KIAA1671: variants seen among roughly 807,000 people sequenced by gnomAD.
KIAA1671 encodes uncharacterized protein KIAA1671.
Under a neutral mutation model 131.2 loss-of-function variants are expected in KIAA1671, and 52 were observed. That is an observed-to-expected ratio of 0.40 (90% CI 0.32 to 0.50). KIAA1671 has a LOEUF of 0.50. KIAA1671 is among the 20% of genes least tolerant of loss of function. The pLI, the probability that KIAA1671 is intolerant of heterozygous loss-of-function variation, is 0.73. For missense variants in KIAA1671, 2,360 were observed against 2,364.2 expected (o/e 1.00, Z 0.04); for synonymous variants, 1,003 against 961.6 (o/e 1.04, Z -0.80).
At chr22:25,124,957 C>G (rs1023079799) in intron 6 of KIAA1671, among the ~76,000 whole-genome samples, 1 of 152,176 alleles carries the variant, frequency 6.6e-6, no homozygotes, top group Non-Finnish European at 1.5e-5. Flanking sequence ...GGGGGTCTCA[C>G]TATGTTACCC....
chr22:25,111,237 C>CA (rs1376937373), intron 6 of KIAA1671, among the ~76,000 whole-genome samples: 2 of 152,232 alleles, frequency 1.3e-5, no homozygotes, highest in Non-Finnish European at 2.9e-5. Context: ...CACACACACA[C>CA]AGAGTGCACA....
intron 5 of KIAA1671, 26 bp from the exon 6 acceptor site, chr22:25,049,204 T>C: frequency 6.5e-7 from 1 of 1,546,212 alleles, no homozygotes; most frequent in Non-Finnish European, 8.8e-7. Flanking sequence ...CCCAGTAAAG[T>C]CCTTTTCTTG....
At chr22:24,990,739 C>T (rs536570101) in intron 1 of KIAA1671, among the ~76,000 whole-genome samples, 29 of 152,172 alleles carry the variant, frequency 1.9e-4, no homozygotes, top group Admixed American at 6.5e-4. Context: ...CCCTACCTTG[C>T]GGGTGGGCAG....
At chr22:25,031,600 G>A (rs1285759992) in intron 3 of KIAA1671, among the ~76,000 whole-genome samples, 1 of 152,206 alleles carries the variant, frequency 6.6e-6, no homozygotes, top group African/African-American at 2.4e-5. Flanking sequence ...AAAGTGCTGG[G>A]ATTACAGGCA....
At chr22:24,981,149 G>C (rs1424554709) in intron 1 of KIAA1671, among the ~76,000 whole-genome samples, 1 of 151,994 alleles carries the variant, frequency 6.6e-6, no homozygotes. Flanking sequence ...TGGGGGATTT[G>C]TAGGCTCTGT....
In KIAA1671 at chr22:25,040,168, C is replaced by T. The variant is rs1048066241; in HGVS notation, c.3038C>T (p.Pro1013Leu). 5.8e-6 allele frequency: 9 copies of T among 1,551,590 alleles called. No individual in the cohort carries two copies. The African/African-American group carries it at 1.2e-4, about 21-fold the overall frequency. Residue 1013 changes from proline (P) to leucine (L), a missense_variant, in exon 5 of 13, where the codon CCA (proline) becomes CTA (leucine). By Grantham distance (98) the Pro-to-Leu change is moderately conservative. Coordinates refer to ENST00000358431, the MANE Select transcript of KIAA1671 (RefSeq NM_001145206.2). ...GGTGCTTCACGGGACCAGACTTCCC[C>T]AGCAGTGAAGCAAGGGTCACCTGTG... ...NPGASRDQTS[P>L]AVKQGSPVEP...
chr22:25,050,178 CT>C (rs1199375123), intron 6 of KIAA1671: 1 of 152,408 alleles, frequency 6.6e-6, no homozygotes, highest in Non-Finnish European at 1.5e-5. Context: ...CCTCTTCCCC[CT>C]CATCCTGTTT....
intron 3 of KIAA1671, among the ~76,000 whole-genome samples, chr22:25,031,230 G>A (rs1229645840): frequency 3.0e-5 from 4 of 134,144 alleles, no homozygotes; most frequent in Non-Finnish European, 4.6e-5. Flanking sequence ...ACGGAGTCTC[G>A]CTCTGCCGCT....
chr22:25,002,307 G>A (rs949643467), intron 1 of KIAA1671, among the ~76,000 whole-genome samples: 1 of 152,176 alleles, frequency 6.6e-6, no homozygotes, highest in Non-Finnish European at 1.5e-5. Flanking sequence ...CAGAGACAAG[G>A]ATGGGAACAT....
intron 6 of KIAA1671, chr22:25,050,260 G>T (rs1413968283): frequency 6.6e-6 from 1 of 152,276 alleles, no homozygotes; most frequent in African/African-American, 2.4e-5. Flanking sequence ...CAGAGCTTCA[G>T]TGTGCCCACA....
rs1477165375 is a variant in KIAA1671 at position 25,185,011 on chromosome 22, C to T, written c.5234C>T (p.Pro1745Leu). The T allele has an allele frequency of 2.6e-6, 4 of 1,551,508 alleles. No homozygotes were observed. In the Admixed American group the frequency reaches 7.8e-5, roughly 30 times the overall value. ...CACAAGAGGCCAGAGGTGGACAGTCCTGGCGAGACCCCCAGCTGGGCACCC... is the reference window on the plus strand; with the variant it reads ...CACAAGAGGCCAGAGGTGGACAGTCTTGGCGAGACCCCCAGCTGGGCACCC... ...QLHKRPEVDS[P>L]GETPSWAPQP... is the part of the protein sequence containing the mutation. Residue 1745 changes from proline (P) to leucine (L), a missense_variant, in exon 11 of 13, where the codon CCT (proline) becomes CTT (leucine). Pro to Leu is a moderately conservative substitution (Grantham distance 98, BLOSUM62 -3). Transcript: ENST00000358431.
Position 25,195,020 on chromosome 22 carries a change from C to G in KIAA1671, c.*2619C>G, listed in dbSNP as rs1242719781. The stretch of plus-strand genomic sequence containing the variant: ...CCTGGAGACCCCTTTGGAAATCTGT[C>G]TTCTTTTTAAACTCACTTAATATGC... On this transcript the variant is annotated 3_prime_UTR_variant, in exon 13 of 13. Transcript: ENST00000358431. The G allele has an allele frequency of 3.3e-5, 5 of 152,326 alleles. No homozygotes were observed. The highest frequency in any genetic ancestry group is 7.2e-5 in the African/African-American group (3 of 41,568). The allele number at this position is 152,326 out of a possible 1,614,324, so 9.4% of individuals were successfully genotyped here.
chr22:25,094,899 C>T (rs1467150153), intron 6 of KIAA1671, among the ~76,000 whole-genome samples: 1 of 152,136 alleles, frequency 6.6e-6, no homozygotes, highest in Non-Finnish European at 1.5e-5. Flanking sequence ...TCTCGCTGAG[C>T]ATCATTATTT....
At chr22:25,055,835 TAGATAC>T (rs1190646531) in intron 6 of KIAA1671, 1 of 149,044 alleles carries the variant, frequency 6.7e-6, no homozygotes, top group Non-Finnish European at 1.5e-5. Flanking sequence ...TAGATAGATA[TAGATAC>T]AGATACAGAT....
chr22:25,174,144 A>AC (rs1368776921), intron 7 of KIAA1671, 96 bp from the exon 8 acceptor site: 2 of 1,363,054 alleles, frequency 1.5e-6, no homozygotes, highest in Admixed American at 4.4e-5. Flanking sequence ...ATAAAACATA[A>AC]CCCAAGCTAT....
chr22:25,026,029 G>A (rs1925926315), intron 2 of KIAA1671, among the ~76,000 whole-genome samples: 2 of 152,186 alleles, frequency 1.3e-5, no homozygotes, highest in South Asian at 4.1e-4. Flanking sequence ...CTCTGGTTGG[G>A]ATCTTTGTGT....
intron 6 of KIAA1671, among the ~76,000 whole-genome samples, chr22:25,116,433 A>G (rs573255367): frequency 4.0e-5 from 6 of 149,064 alleles, no homozygotes; most frequent in Non-Finnish European, 8.9e-5. Context: ...GTATGTATGT[A>G]CGTATTGAGA....
chr22:25,139,035 C>A (rs767664345), intron 6 of KIAA1671, among the ~76,000 whole-genome samples: 1 of 152,222 alleles, frequency 6.6e-6, no homozygotes, highest in Non-Finnish European at 1.5e-5. Context: ...CACTGCACAC[C>A]ACCCCCAGAC....
At chr22:25,046,683 G>C (rs1173376579) in intron 5 of KIAA1671, among the ~76,000 whole-genome samples, 1 of 151,590 alleles carries the variant, frequency 6.6e-6, no homozygotes, top group East Asian at 1.9e-4. Context: ...GCTTCTTTAT[G>C]AAAATACAAG....
Sources: gnomAD v4.1 joint callset for allele counts (sites outside exome capture counted in the v4.1 genomes callset) on GRCh38, gnomAD v4.1.1 for gene constraint, MANE v1.5 for transcripts, NCBI Gene and HGNC (gene_info 2026-07-23, HGNC 2026-07-21) for gene names.